CXADR: variants seen among roughly 807,000 people sequenced by gnomAD.
The protein encoded by CXADR is CXADR cell adhesion molecule.
A neutral mutation model predicts 40.3 loss-of-function variants in CXADR; 20 were observed. That is an observed-to-expected ratio of 0.50 (90% CI 0.35 to 0.72). The LOEUF (loss-of-function observed/expected upper bound fraction) is 0.72, where lower values mean the gene tolerates loss of function less well. Ranked by LOEUF, CXADR falls within the 30% of genes least tolerant of loss-of-function variation. The probability of loss-of-function intolerance (pLI) is 0.01; values close to 1 mark genes in which losing one functional copy is unlikely to be tolerated. For missense variants in CXADR, 332 were observed against 449.1 expected (o/e 0.74, Z 2.36); for synonymous variants, 150 against 161.3 (o/e 0.93, Z 0.53).
intron 1 of CXADR, among the ~76,000 whole-genome samples, chr21:17,515,527 A>G (rs974169368): frequency 1.3e-5 from 2 of 152,058 alleles, no homozygotes; most frequent in African/African-American, 4.8e-5. Flanking sequence ...ATGCATTGGT[A>G]TGGGCCGGGC....
intron 1 of CXADR, among the ~76,000 whole-genome samples, chr21:17,544,176 T>G (rs2060864903): frequency 6.6e-6 from 1 of 152,104 alleles, no homozygotes; most frequent in Non-Finnish European, 1.5e-5. Flanking sequence ...AAAATCATTG[T>G]AGGGTGGAGA....
intron 7 of CXADR, among the ~76,000 whole-genome samples, chr21:17,575,433 C>T (rs569506825): frequency 6.9e-4 from 105 of 151,986 alleles, no homozygotes; most frequent in African/African-American, 2.4e-3. Context: ...ACCCCTGCCA[C>T]GGCCTCCTAA....
chr21:17,529,234 T>A (rs1196397531), intron 1 of CXADR, among the ~76,000 whole-genome samples: 2 of 152,010 alleles, frequency 1.3e-5, no homozygotes, highest in Non-Finnish European at 2.9e-5. Context: ...GGTTTCACCA[T>A]GTTGGTCAGG....
rs974940252 is a variant in CXADR, at chr21:17,560,809, C to A, written c.679C>A (p.Leu227Ile). The A allele has an allele frequency of 6.2e-7, 1 of 1,613,612 alleles. No homozygotes were observed. Among genetic ancestry groups the A allele is most frequent in the Non-Finnish European group, 8.5e-7 (1 of 1,179,818 alleles). The change falls in exon 5 of 7, where the codon CTA (leucine) becomes ATA (isoleucine). Residue 227 changes from leucine (L) to isoleucine (I), a missense_variant. This residue lies in a region of CXADR where 150 missense variants were observed against 194.2 expected (regional missense o/e 0.77). Transcript: ENST00000284878. Reference sequence around the variant, plus strand: ...GGGCTCTGATCAGTGCCTGTTGCGTCTAAACGTTGTCCCTCGTAAGTTATC... The same window carrying A: ...GGGCTCTGATCAGTGCCTGTTGCGTATAAACGTTGTCCCTCGTAAGTTATC... Reference protein sequence around the residue: ...RVGSDQCLLRLNVVPPSNKAG... With the variant: ...RVGSDQCLLRINVVPPSNKAG...
In CXADR at chr21:17,569,251, T is replaced by C. The variant is rs902870339; in HGVS notation, c.*3559T>C. ...GGCTTTCAGATGCCTTATTCCAGTG[T>C]GAACAGAAAAAGTTCATATTTTATG... On this transcript the variant is annotated 3_prime_UTR_variant, in exon 7 of 7. Coordinates refer to ENST00000284878, the MANE Select transcript of CXADR (RefSeq NM_001338.5). 1.0e-6 allele frequency: 1 copy of C among 985,284 alleles called. No individual in the cohort carries two copies. Among genetic ancestry groups the C allele is most frequent in the Non-Finnish European group, 1.2e-6 (1 of 829,928 alleles). The allele number at this position is 985,284 out of a possible 1,614,324, so 61.0% of individuals were successfully genotyped here.
At chr21:17,595,018 A>G (rs1055197919), downstream of CXADR, among the ~76,000 whole-genome samples, 4 of 151,666 alleles carry the variant, frequency 2.6e-5, no homozygotes, top group African/African-American at 9.7e-5. Context: ...AAAAAAAAAG[A>G]TAAACACAAA....
chr21:17,533,552 A>G (rs950662667), intron 1 of CXADR, among the ~76,000 whole-genome samples: 9 of 152,146 alleles, frequency 5.9e-5, no homozygotes, highest in African/African-American at 2.2e-4. Flanking sequence ...GATGTGTCTC[A>G]GTGTGTTTGT....
At chr21:17,516,885 G>GC (rs1339832461) in intron 1 of CXADR, among the ~76,000 whole-genome samples, 4 of 151,702 alleles carry the variant, frequency 2.6e-5, no homozygotes, top group African/African-American at 4.8e-5. Flanking sequence ...ATTTCACAAG[G>GC]CACACATATT....
In CXADR at chr21:17,568,326, C is replaced by T. The variant is rs963649806; in HGVS notation, c.*2634C>T. ...TGTAATTTTAGTAGAGACAGGGTTT[C>T]ACCGTGTTAGCCAGGATGGTCTCGA... On this transcript the variant is annotated 3_prime_UTR_variant, in exon 7 of 7. Coordinates refer to ENST00000284878, the MANE Select transcript of CXADR (RefSeq NM_001338.5). The T allele has an allele frequency of 2.5e-6, 2 of 805,066 alleles. No individual in the cohort carries two copies. Among genetic ancestry groups the T allele is most frequent in the Admixed American group, 6.3e-5 (1 of 15,980 alleles). 49.9% of individuals were successfully genotyped at this position (805,066 alleles called of 1,614,324 possible).
At chr21:17,534,060 C>CTATATATATATACACATATATATAGCTA (rs201049313) in intron 1 of CXADR, among the ~76,000 whole-genome samples, 2 of 47,158 alleles carry the variant, frequency 4.2e-5, no homozygotes, top group Non-Finnish European at 9.7e-5. Flanking sequence ...ATATATATAG[C>CTATATATATATACACATATATATAGCTA]TATATATATA....
intron 3 of CXADR, among the ~76,000 whole-genome samples, chr21:17,558,097 T>A (rs914103938): frequency 2.2e-5 from 3 of 134,912 alleles, no homozygotes; most frequent in African/African-American, 8.1e-5. Flanking sequence ...TTTTTTTTAA[T>A]TAAATATTCT....
chr21:17,520,855 T>C (rs963041163), intron 1 of CXADR, among the ~76,000 whole-genome samples: 3 of 152,174 alleles, frequency 2.0e-5, no homozygotes, highest in African/African-American at 4.8e-5. Context: ...GTCACTAACC[T>C]ACGGGAAATA....
At chr21:17,602,011 T>A in the CXADR span, among the ~76,000 whole-genome samples, 2 of 152,190 alleles carry the variant, frequency 1.3e-5, no homozygotes, top group African/African-American at 4.8e-5. Flanking sequence ...GTCGATATCT[T>A]AGGAGAATTA....
intron 1 of CXADR, among the ~76,000 whole-genome samples, chr21:17,544,906 CTGTG>C (rs940482883): frequency 6.6e-6 from 1 of 151,996 alleles, no homozygotes; most frequent in African/African-American, 2.4e-5. Context: ...AACTGATAGT[CTGTG>C]TATATTAAGC....
intron 1 of CXADR, among the ~76,000 whole-genome samples, chr21:17,538,939 T>A (rs1354370548): frequency 6.6e-6 from 1 of 152,174 alleles, no homozygotes; most frequent in Non-Finnish European, 1.5e-5. Context: ...CCAGGCCACG[T>A]GAAAGATAAT....
downstream of CXADR, among the ~76,000 whole-genome samples, chr21:17,597,862 T>G (rs1397588676): frequency 2.6e-5 from 4 of 152,154 alleles, no homozygotes; most frequent in Non-Finnish European, 2.9e-5. Context: ...GGTCTAAATT[T>G]TCATTTTCAG....
At chr21:17,602,964 C>A in the CXADR span, among the ~76,000 whole-genome samples, 1 of 152,162 alleles carries the variant, frequency 6.6e-6, no homozygotes, top group Admixed American at 6.5e-5. Context: ...TGTGTGATAA[C>A]ATAATCGTGC....
At chr21:17,573,438 G>T (rs1377796937), downstream of CXADR, among the ~76,000 whole-genome samples, 1 of 152,104 alleles carries the variant, frequency 6.6e-6, no homozygotes, top group Non-Finnish European at 1.5e-5. Context: ...TACCCAGAGG[G>T]TTCTCTGTTT....
At chr21:17,593,124 A>T (rs1378781188) in intron 7 of CXADR, 25 of 1,391,310 alleles carry the variant, frequency 1.8e-5, no homozygotes, top group Non-Finnish European at 2.3e-5. Context: ...AAACTCTTAT[A>T]GAGATATCTC....
Sources: gnomAD v4.1 joint callset for allele counts (sites outside exome capture counted in the v4.1 genomes callset) on GRCh38, gnomAD v4.1.1 for gene constraint, gnomAD v4.1.1 regional missense constraint, MANE v1.5 for transcripts, NCBI Gene and HGNC (gene_info 2026-07-23, HGNC 2026-07-21) for gene names.